MYO10: variants seen among roughly 807,000 people sequenced by gnomAD.
MYO10 encodes the protein myosin X, also known as unconventional myosin-X.
MYO10 carries 133 observed loss-of-function variants against 257.3 expected under a neutral mutation model. The observed-to-expected ratio is 0.52, with a 90% CI of 0.45 to 0.60. The LOEUF (loss-of-function observed/expected upper bound fraction) is 0.60. Ranked by LOEUF, MYO10 falls within the 20% of genes least tolerant of loss-of-function variation. MYO10 has a pLI of 0.00. For synonymous variants in MYO10, 1,104 were observed against 1,028.6 expected, an observed-to-expected ratio of 1.07 and a Z score of -1.40; for missense variants, 2,399 against 2,635.7, an observed-to-expected ratio of 0.91 and a Z score of 1.97.
intron 9 of MYO10, among the ~76,000 whole-genome samples, chr5:16,778,214 G>A (rs1473791755): frequency 6.6e-6 from 1 of 152,056 alleles, no homozygotes; most frequent in African/African-American, 2.4e-5. Context: ...AAATCTCCTG[G>A]CCAGGCCCGA....
At chr5:16,840,168 T>G (rs1235004299) in intron 2 of MYO10, among the ~76,000 whole-genome samples, 1 of 152,016 alleles carries the variant, frequency 6.6e-6, no homozygotes. Context: ...ATCCCAGCAC[T>G]TTCGGAGGCT....
At chr5:16,805,327 T>C (rs1047180825) in intron 3 of MYO10, among the ~76,000 whole-genome samples, 1 of 151,742 alleles carries the variant, frequency 6.6e-6, no homozygotes, top group African/African-American at 2.4e-5. Context: ...CCAGGCGTGG[T>C]GGCGGATGCC....
intron 2 of MYO10, among the ~76,000 whole-genome samples, chr5:16,823,747 C>T (rs1352892643): frequency 1.4e-5 from 2 of 147,844 alleles, no homozygotes; most frequent in Non-Finnish European, 3.0e-5. Flanking sequence ...GTTGGGATTA[C>T]AGGCGTGAGC....
intron 4 of MYO10, among the ~76,000 whole-genome samples, chr5:16,788,236 A>G (rs914159120): frequency 1.3e-5 from 2 of 152,118 alleles, no homozygotes; most frequent in African/African-American, 4.8e-5. Context: ...GGAAAGGGAC[A>G]GGATTGCTGA....
At chr5:16,671,613 C>CT (rs1202856253) in intron 37 of MYO10, 71 bp from the exon 38 acceptor site, 1 of 1,572,116 alleles carries the variant, frequency 6.4e-7, no homozygotes, top group African/African-American at 1.4e-5. Flanking sequence ...AGGGACCTGA[C>CT]TTTACATGGT....
chr5:16,720,623 T>TA (rs1206637560), intron 19 of MYO10, among the ~76,000 whole-genome samples: 33 of 152,084 alleles, frequency 2.2e-4, no homozygotes, highest in Admixed American at 2.0e-4. Flanking sequence ...CACACCCGGC[T>TA]AATTTTTTGT....
At position 16,764,306 on chromosome 5, in the gene MYO10, T is replaced by C. The variant is rs1223881032; in HGVS notation, c.1270A>G (p.Asn424Asp). The change falls in exon 12 of 41, where the codon AAT becomes GAT. Residue 424 changes from asparagine to aspartate, a missense_variant. Around this residue, in one of 3 missense-constraint regions of MYO10, gnomAD observed 337 missense variants for 446.8 expected, o/e 0.75. Transcript: ENST00000513610. ...IKKINSRIKGNEDFKSIGILD... is the reference protein window; with the variant it reads ...IKKINSRIKGDEDFKSIGILD... ...ATGCCAATAGACTTGAAGTCCTCAT[T>C]GCCTTTGATCCTGCTGTTGATCTTC... 6.2e-7 allele frequency: 1 copy of C among 1,614,008 alleles called. No individual in the cohort carries two copies. The highest frequency in any genetic ancestry group is 1.7e-5 in the Admixed American group (1 of 60,022).
intron 4 of MYO10, among the ~76,000 whole-genome samples, chr5:16,784,758 CAAGA>C (rs1741523933): frequency 6.6e-6 from 1 of 152,120 alleles, no homozygotes; most frequent in Non-Finnish European, 1.5e-5. Context: ...GGGACGTTAT[CAAGA>C]AAGAGGAATT....
chr5:16,895,755 C>CACACACACAT (rs1164727954), intron 1 of MYO10, among the ~76,000 whole-genome samples: 17 of 10,638 alleles, frequency 1.6e-3, no homozygotes, highest in East Asian at 0.013. Context: ...AACACCACAA[C>CACACACACAT]ACACACACAC....
intron 27 of MYO10, among the ~76,000 whole-genome samples, chr5:16,692,361 A>G (rs1737548643): frequency 6.6e-6 from 1 of 152,226 alleles, no homozygotes; most frequent in South Asian, 2.1e-4. Context: ...CAGAGGTTGC[A>G]GTGAGCCAAG....
At chr5:16,781,939 C>A in intron 5 of MYO10, 110 bp from the exon 6 acceptor site, 1 of 1,324,904 alleles carries the variant, frequency 7.5e-7, no homozygotes, top group Non-Finnish European at 1.0e-6. Context: ...AATCTGAAAC[C>A]AAAAGGACTG....
rs1467173658 is a variant in MYO10 at position 16,896,189 on chromosome 5, T to C, written c.22-18482A>G. On this transcript the variant is annotated intron_variant, in intron 1 of 40. Transcript: ENST00000513610. The stretch of plus-strand genomic sequence containing the variant: ...TAAGCTCTCAGGTGTTTAGGTGATA[T>C]GGCTCAAGCCTGTAATCCCAGCAGT... Among the ~76,000 whole-genome samples, 8 of 152,326 alleles carry C rather than the reference T, an allele frequency of 5.3e-5. No homozygotes were observed. The East Asian group carries it at 1.5e-3, about 29-fold the overall frequency.
Position 16,733,152 on chromosome 5 carries a change from AAACAAC to A in MYO10, c.1929+21670_1929+21675del, listed in dbSNP as rs370186871. Among the ~76,000 whole-genome samples, 567 of 152,192 alleles carry A rather than the reference AAACAAC, an allele frequency of 3.7e-3. 3 individuals are homozygous for A. The highest frequency in any genetic ancestry group is 5.9e-3 in the Non-Finnish European group (401 of 68,000). ...CCATCTCAGAAAAAACAAAACAAAC[AAACAAC>A]AACAACAACAAAAATACACACACTC... On this transcript the variant is annotated intron_variant, in intron 19 of 40. Transcript: ENST00000513610.
chr5:16,710,957 A>G lies in MYO10; in HGVS notation c.2120T>C (p.Leu707Pro). ...GCTGTTGGAGGCATCATAGAGCTGC[A>G]GCAGGCTCGTGCACTTCCCTCGGAC... is the stretch of plus-strand genomic sequence containing the variant. ...EDVRGKCTSL[L>P]QLYDASNSEW... Residue 707 changes from leucine (L) to proline (P), a missense_variant, in exon 21 of 41, where the codon CTG becomes CCG. Leu to Pro is a moderately conservative substitution (Grantham distance 98). This residue lies in a region of MYO10 where 1,820 missense variants were observed against 1,939.4 expected (regional missense o/e 0.94). Coordinates refer to ENST00000513610, the MANE Select transcript of MYO10 (RefSeq NM_012334.3). 6.2e-7 allele frequency: 1 copy of G among 1,613,938 alleles called. No individual in the cohort carries two copies.
At chr5:16,728,824 C>A (rs1427860870) in intron 19 of MYO10, among the ~76,000 whole-genome samples, 3 of 152,206 alleles carry the variant, frequency 2.0e-5, no homozygotes, top group African/African-American at 7.2e-5. Context: ...GGGACGGCTG[C>A]CTGTCCATGG....
intron 1 of MYO10, among the ~76,000 whole-genome samples, chr5:16,912,296 T>C (rs1745679701): frequency 6.6e-6 from 1 of 152,066 alleles, no homozygotes; most frequent in South Asian, 2.1e-4. Context: ...GAAATCTAGG[T>C]TTCTGATCTC....
At chr5:16,757,267 G>C (rs1740556718) in intron 18 of MYO10, among the ~76,000 whole-genome samples, 2 of 148,524 alleles carry the variant, frequency 1.3e-5, no homozygotes, top group Non-Finnish European at 3.0e-5. Context: ...TCCAGTCTGG[G>C]TGACAGAACA....
intron 31 of MYO10, 147 bp downstream of exon 31, chr5:16,681,724 A>G (rs1462179750): frequency 9.4e-6 from 11 of 1,168,678 alleles, no homozygotes; most frequent in Admixed American, 5.9e-5. Flanking sequence ...ACACTTTATA[A>G]TATCACAAAT....
intron 3 of MYO10, among the ~76,000 whole-genome samples, chr5:16,795,065 GCCCAGGCCCAGTCCCTGCTC>G (rs1560988738): frequency 5.1e-5 from 6 of 117,712 alleles, no homozygotes; most frequent in East Asian, 2.3e-4. Flanking sequence ...TGGTGAGGCG[GCCCAGGCCCAGTCCCTGCTC>G]CCCAGGCCCA....
Sources: allele counts gnomAD v4.1 joint callset (sites outside exome capture counted in the v4.1 genomes callset), GRCh38; gene constraint gnomAD v4.1.1; regional missense constraint gnomAD v4.1.1; transcripts MANE v1.5; gene names NCBI Gene and HGNC (gene_info 2026-07-23, HGNC 2026-07-21).